The following TPTE2 variants were observed in gnomAD, a reference collection of about 807,000 sequenced individuals.
TPTE2 encodes transmembrane phosphoinositide 3-phosphatase and tensin homolog 2.
In TPTE2, 53 loss-of-function variants were observed where a neutral mutation model predicts 78.6. The observed-to-expected ratio is 0.67, with a 90% CI of 0.54 to 0.85. TPTE2 has a LOEUF of 0.85. Among genes scored for constraint, TPTE2 ranks in the 40% least tolerant of loss-of-function variants. The pLI, the probability that TPTE2 is intolerant of heterozygous loss-of-function variation, is 0.00. For missense variants in TPTE2, 461 were observed against 623.0 expected, an observed-to-expected ratio of 0.74 and a Z score of 2.77; for synonymous variants, 175 against 206.2, an observed-to-expected ratio of 0.85 and a Z score of 1.30.
intron 3 of TPTE2, among the ~76,000 whole-genome samples, chr13:19,489,558 TA>T (rs977493443): frequency 6.7e-6 from 1 of 150,338 alleles, no homozygotes; most frequent in Non-Finnish European, 1.5e-5. Context: ...GGGTCAGTGC[TA>T]AAGAATATAT....
intron 10 of TPTE2, among the ~76,000 whole-genome samples, chr13:19,452,992 TTTATTTTATTTTATTTTATG>T (rs960298385): frequency 5.1e-4 from 5 of 9,800 alleles, no homozygotes; most frequent in African/African-American, 7.0e-4. Context: ...TTTTATTTAT[TTTATTTTATTTTATTTTATG>T]TTATTTTATG....
intron 3 of TPTE2, among the ~76,000 whole-genome samples, chr13:19,489,376 C>G (rs1057380625): frequency 2.6e-5 from 4 of 151,398 alleles, no homozygotes; most frequent in Non-Finnish European, 5.9e-5. Flanking sequence ...AAGTAAAGCA[C>G]AATAAAACAA....
intron 1 of TPTE2, 127 bp downstream of exon 4, chr13:19,503,097 G>A: frequency 1.5e-6 from 2 of 1,352,168 alleles, no homozygotes; most frequent in Admixed American, 1.9e-5. Context: ...GATGTGTTTG[G>A]GAGAAGTGTG....
At chr13:19,434,496 T>C (rs1016802258) in intron 15 of TPTE2, among the ~76,000 whole-genome samples, 3 of 152,340 alleles carry the variant, frequency 2.0e-5, no homozygotes, top group Admixed American at 2.0e-4. Flanking sequence ...GGGGACATAG[T>C]ATGGATTTTG....
chr13:19,546,495 T>TC, the TPTE2 span, among the ~76,000 whole-genome samples: 2 of 138,094 alleles, frequency 1.4e-5, no homozygotes, highest in Non-Finnish European at 3.1e-5. Context: ...TTTTTTTTTT[T>TC]TTTTTTTTTT....
intron 10 of TPTE2, among the ~76,000 whole-genome samples, chr13:19,458,996 A>G (rs1878716430): frequency 6.6e-6 from 1 of 152,088 alleles, no homozygotes. Context: ...GAATTGCCAC[A>G]CTGTCTTCCA....
chr13:19,441,591 A>G (rs1469271708), intron 13 of TPTE2, among the ~76,000 whole-genome samples: 1 of 152,238 alleles, frequency 6.6e-6, no homozygotes, highest in East Asian at 1.9e-4. Flanking sequence ...TGCAGGAAAA[A>G]GCATTCACTA....
intron 4 of TPTE2, among the ~76,000 whole-genome samples, chr13:19,476,878 T>C (rs139508775): frequency 6.6e-6 from 1 of 152,150 alleles, no homozygotes; most frequent in South Asian, 2.1e-4. Flanking sequence ...CCCAGAGGAA[T>C]ATAAATCATT....
intron 14 of TPTE2, 62 bp downstream of exon 17, chr13:19,438,030 G>T: frequency 6.4e-7 from 1 of 1,570,922 alleles, no homozygotes; most frequent in Non-Finnish European, 8.6e-7. Context: ...TCCTACCAGC[G>T]ATCTTTCAGA....
At chr13:19,495,500 AC>A (rs377602931) in intron 1 of TPTE2, among the ~76,000 whole-genome samples, 266 of 152,054 alleles carry the variant, frequency 1.7e-3, no homozygotes, top group African/African-American at 6.1e-3. Context: ...CCATTTTCCT[AC>A]CTCCATCCAA....
chr13:19,510,494 A>T (rs768178729), intron 1 of TPTE2, among the ~76,000 whole-genome samples: 1 of 150,266 alleles, frequency 6.7e-6, no homozygotes, highest in Non-Finnish European at 1.5e-5. Context: ...GTACTCACTC[A>T]CCCTCACTCC....
chr13:19,525,515 C>G (rs1357078542), intron 1 of TPTE2, among the ~76,000 whole-genome samples: 2 of 152,104 alleles, frequency 1.3e-5, no homozygotes, highest in African/African-American at 2.4e-5. Flanking sequence ...TGAAACTGGA[C>G]CCCTTCCTTT....
chr13:19,463,600 A>C (rs1180863948), intron 10 of TPTE2, among the ~76,000 whole-genome samples: 1 of 152,080 alleles, frequency 6.6e-6, no homozygotes, highest in African/African-American at 2.4e-5. Flanking sequence ...CATCTGGGGA[A>C]ACTGTTGCCT....
At chr13:19,551,507 A>C in the TPTE2 span, among the ~76,000 whole-genome samples, 1 of 151,794 alleles carries the variant, frequency 6.6e-6, no homozygotes, top group African/African-American at 2.4e-5. Flanking sequence ...AATTGCTTGA[A>C]CCCGGGAGGC....
At chr13:19,502,513 T>A (rs1401510678) in intron 1 of TPTE2, among the ~76,000 whole-genome samples, 1 of 150,400 alleles carries the variant, frequency 6.6e-6, no homozygotes, top group Non-Finnish European at 1.5e-5. Flanking sequence ...ATGGATGAAA[T>A]TGGAAAACAT....
intron 18 of TPTE2, among the ~76,000 whole-genome samples, chr13:19,425,992 G>A (rs1002597236): frequency 6.6e-6 from 1 of 151,776 alleles, no homozygotes; most frequent in Admixed American, 6.6e-5. Flanking sequence ...CCAGGAGGGT[G>A]AAGCTACAGT....
chr13:19,506,380 A>G (rs1869041954), upstream of TPTE2, among the ~76,000 whole-genome samples: 1 of 150,848 alleles, frequency 6.6e-6, no homozygotes, highest in Non-Finnish European at 1.5e-5. Context: ...TCACCGTTTT[A>G]GCCGGGATGG....
At chr13:19,464,387 A>G in intron 10 of TPTE2, 69 bp downstream of exon 13, 4 of 1,424,596 alleles carry the variant, frequency 2.8e-6, no homozygotes, top group Non-Finnish European at 3.9e-6. Flanking sequence ...ATCTGGGTCA[A>G]TATTAAACTT....
At chr13:19,546,681 G>C in the TPTE2 span, among the ~76,000 whole-genome samples, 62 of 151,430 alleles carry the variant, frequency 4.1e-4, 1 homozygote, top group African/African-American at 1.4e-3. Flanking sequence ...GTAGAGATGG[G>C]GTTTCAACAT....
Sources: allele counts gnomAD v4.1 joint callset (sites outside exome capture counted in the v4.1 genomes callset), GRCh38; gene constraint gnomAD v4.1.1; transcripts MANE v1.5; gene names NCBI Gene and HGNC (gene_info 2026-07-23, HGNC 2026-07-21).